Variants in HMGN5 observed in about 807,000 individuals in gnomAD.
HMGN5 encodes high mobility group nucleosome binding domain 5.
In HMGN5, 4 loss-of-function variants were observed where a neutral mutation model predicts 9.5. The observed-to-expected ratio is 0.42, with a 90% CI of 0.21 to 0.96. The LOEUF is 0.96. Ranked by LOEUF, HMGN5 falls within the 40% of genes least tolerant of loss-of-function variation. The probability of loss-of-function intolerance (pLI) is 0.30; values close to 1 mark genes in which losing one functional copy is unlikely to be tolerated. For missense variants in HMGN5, 192 were observed against 187.5 expected (o/e 1.02, Z -0.14); for synonymous variants, 55 against 57.1 (o/e 0.96, Z 0.16).
intron 1 of HMGN5, chrX:81,195,037 TAGTC>T (rs2075504156): frequency 9.0e-6 from 1 of 111,273 alleles, no homozygotes; most frequent in Non-Finnish European, 1.9e-5. Context: ...GAGAGCGTAT[TAGTC>T]AGGGTTTTCT....
At chrX:81,162,857 G>A (rs1275297848) in intron 1 of HMGN5, among the ~76,000 whole-genome samples, 1 of 111,257 alleles carries the variant, frequency 9.0e-6, no homozygotes, top group Non-Finnish European at 1.9e-5. Context: ...GAGGATATTA[G>A]TTATTGTACC....
At chrX:81,142,927 CAT>C (rs775004223) in intron 1 of HMGN5, among the ~76,000 whole-genome samples, 1 of 111,210 alleles carries the variant, frequency 9.0e-6, no homozygotes, top group East Asian at 2.8e-4. Context: ...CTTTTCAAGA[CAT>C]AGACAATACA....
intron 1 of HMGN5, among the ~76,000 whole-genome samples, chrX:81,197,312 T>C (rs1405847209): frequency 6.2e-5 from 7 of 112,242 alleles, no homozygotes; most frequent in Non-Finnish European, 1.3e-4. Context: ...TTACAAATAG[T>C]AAACTTAATA....
In HMGN5 at chrX:81,114,744, C is replaced by A; in HGVS notation, c.754G>T (p.Glu252Ter). The change falls in exon 7 of 7, where the codon GAG (glutamate) becomes TAG (stop). Residue 252 changes from glutamate (E) to a stop codon, truncating the protein, a stop_gained. Transcript: ENST00000358130. LOFTEE classifies it low-confidence loss of function (END_TRUNC). ...TCCTCTTCTTTTAAATCTTCTTTCT[C>A]TTTTCCAGCTTCTTCCTCATTTCCA... Reference protein sequence around the residue: ...EGGNEEEAGKEKEDLKEEEEG... With the variant: ...EGGNEEEAGK 1 of 1,162,298 alleles carries A rather than the reference C, an allele frequency of 8.6e-7. No individual in the cohort carries two copies. Among genetic ancestry groups the A allele is most frequent in the Non-Finnish European group, 1.1e-6 (1 of 870,905 alleles).
chrX:81,166,403 A>G (rs1235283743), intron 1 of HMGN5, among the ~76,000 whole-genome samples: 1 of 111,819 alleles, frequency 8.9e-6, no homozygotes, highest in East Asian at 2.8e-4. Flanking sequence ...ATGCATATGC[A>G]TAGTAAGTCA....
chrX:81,151,223 G>A (rs1466427543), intron 1 of HMGN5, among the ~76,000 whole-genome samples: 2 of 111,718 alleles, frequency 1.8e-5, no homozygotes, highest in East Asian at 2.8e-4. Flanking sequence ...CCCATTGCTT[G>A]TTTTTCTCAG....
chrX:81,126,973 GT>G (rs1372202676), intron 1 of HMGN5, among the ~76,000 whole-genome samples: 1 of 111,113 alleles, frequency 9.0e-6, no homozygotes, highest in Non-Finnish European at 1.9e-5. Flanking sequence ...TGATATCTAT[GT>G]TTTTTTGCAT....
chrX:81,148,384 G>C (rs1005063955), intron 1 of HMGN5, among the ~76,000 whole-genome samples: 1 of 112,166 alleles, frequency 8.9e-6, no homozygotes, highest in Non-Finnish European at 1.9e-5. Context: ...ATTGGGAAAG[G>C]ATTCTTTATT....
At chrX:81,125,447 A>G (rs2075280496) in intron 1 of HMGN5, among the ~76,000 whole-genome samples, 1 of 111,479 alleles carries the variant, frequency 9.0e-6, no homozygotes, top group South Asian at 3.7e-4. Context: ...TCAGAAATTT[A>G]TTTGAATTGA....
At chrX:81,192,888 C>G (rs1482726189) in intron 1 of HMGN5, among the ~76,000 whole-genome samples, 1 of 110,390 alleles carries the variant, frequency 9.1e-6, no homozygotes, top group Non-Finnish European at 1.9e-5. Context: ...TTTTTTGCTA[C>G]TCCTTTGATG....
chrX:81,174,239 T>C (rs1279753926), intron 1 of HMGN5, among the ~76,000 whole-genome samples: 6 of 111,308 alleles, frequency 5.4e-5, no homozygotes, highest in African/African-American at 2.0e-4. Context: ...TTTTAAAATC[T>C]CCTTTTCCTT....
rs2075245946 is a variant in HMGN5, at chrX:81,114,348, G to A, written c.*301C>T. The A allele has an allele frequency of 6.4e-6, 1 of 156,852 alleles. No individual in the cohort carries two copies. The highest frequency in any genetic ancestry group is 8.3e-5 in the Admixed American group (1 of 12,013). The allele number at this position is 156,852 out of a possible 1,213,427, so 12.9% of individuals were successfully genotyped here. ...CCCTCACTTTATGAAATTATCACAT[G>A]TATAAAAGAGTAAAATTAAAATTCA... On this transcript the variant is annotated 3_prime_UTR_variant, in exon 7 of 7. Transcript: ENST00000358130.
intron 1 of HMGN5, among the ~76,000 whole-genome samples, chrX:81,134,251 A>C (rs1261511296): frequency 1.8e-5 from 2 of 111,520 alleles, no homozygotes; most frequent in Non-Finnish European, 3.8e-5. Context: ...TAGCCAGTTT[A>C]GGCCCTTCAT....
chrX:81,151,434 C>CT (rs1036952682), intron 1 of HMGN5, among the ~76,000 whole-genome samples: 1 of 111,046 alleles, frequency 9.0e-6, no homozygotes, highest in Non-Finnish European at 1.9e-5. Flanking sequence ...GATGTAGGCT[C>CT]TTTTTTGGTT....
intron 1 of HMGN5, among the ~76,000 whole-genome samples, chrX:81,197,155 A>G (rs982663655): frequency 1.8e-5 from 2 of 112,561 alleles, no homozygotes; most frequent in South Asian, 3.6e-4. Context: ...TAAAATTTGT[A>G]TAACTTTGTT....
intron 1 of HMGN5, among the ~76,000 whole-genome samples, chrX:81,193,141 G>T (rs1157473980): frequency 9.0e-6 from 1 of 110,938 alleles, no homozygotes; most frequent in African/African-American, 3.3e-5. Context: ...TCTTGTTTCT[G>T]GATTATAGCT....
chrX:81,154,098 A>G (rs1279891099), intron 1 of HMGN5, among the ~76,000 whole-genome samples: 1 of 110,978 alleles, frequency 9.0e-6, no homozygotes, highest in Non-Finnish European at 1.9e-5. Context: ...GAGGAATCCT[A>G]TTACCTCACT....
intron 6 of HMGN5, 97 bp from the exon 7 acceptor site, chrX:81,115,327 G>A (rs2075250280): frequency 1.1e-6 from 1 of 887,242 alleles, no homozygotes; most frequent in Non-Finnish European, 1.4e-6. Context: ...TTCACAGAAA[G>A]ACTAATACTT....
Position 81,114,591 on chromosome X carries a change from A to T in HMGN5, c.*58T>A. ...ATTTTTGATAAAAATATTTATCTCTATTAACTTTACAACATGAAGGTACAT... is the reference window on the plus strand; with the variant it reads ...ATTTTTGATAAAAATATTTATCTCTTTTAACTTTACAACATGAAGGTACAT... On this transcript the variant is annotated 3_prime_UTR_variant, in exon 7 of 7. Coordinates refer to ENST00000358130, the MANE Select transcript of HMGN5 (RefSeq NM_030763.3). 1 of 1,001,292 alleles carries T rather than the reference A, an allele frequency of 1.0e-6. No individual in the cohort carries two copies. The highest frequency in any genetic ancestry group is 1.3e-6 in the Non-Finnish European group (1 of 777,854). The allele number at this position is 1,001,292 out of a possible 1,213,427, so 82.5% of individuals were successfully genotyped here. A position where few individuals can be genotyped will look rare whatever the true frequency, so the allele number is the denominator to read the frequency against.
Sources: gnomAD v4.1 joint callset for allele counts (sites outside exome capture counted in the v4.1 genomes callset) on GRCh38, gnomAD v4.1.1 for gene constraint, MANE v1.5 for transcripts, NCBI Gene and HGNC (gene_info 2026-07-23, HGNC 2026-07-21) for gene names.